The following C10orf71 variants were observed in gnomAD, a reference collection of about 807,000 sequenced individuals.
C10orf71 encodes the protein cardiac-enriched FHL2-interacting protein.
For synonymous variants in C10orf71, 758 were observed against 726.3 expected (o/e 1.04, Z -0.70); for missense variants, 1,869 against 1,804.5 (o/e 1.04, Z -0.65).
chr10:49,324,450 C>A lies in C10orf71; in HGVS notation c.1905C>A (p.Asp635Glu), dbSNP rs748981787. Reference sequence around the variant, plus strand: ...CTGCCGGATCCAGCTGGTGTCCAGACTCCAGGGAACACCGCCCCAGGAAAC... The same window carrying A: ...CTGCCGGATCCAGCTGGTGTCCAGAATCCAGGGAACACCGCCCCAGGAAAC... ...MGPAGSSWCP[D>E]SREHRPRKHL... Residue 635 changes from aspartate to glutamate, a missense_variant, in exon 3 of 3, where the codon GAC becomes GAA. Coordinates refer to ENST00000374144, the MANE Select transcript of C10orf71 (RefSeq NM_001135196.2). 1.2e-6 allele frequency: 2 copies of A among 1,607,902 alleles called. No homozygotes were observed. The highest frequency in any genetic ancestry group is 2.2e-5 in the South Asian group (2 of 90,174).
chr10:49,323,582 C>CCTG lies in C10orf71; in HGVS notation c.1037_1038insCTG (p.Ser346_Ile347insCys). On this transcript the variant is annotated inframe_insertion, in exon 3 of 3. Coordinates refer to ENST00000374144, the MANE Select transcript of C10orf71 (RefSeq NM_001135196.2). ...CTTGCAGCAGGGGCTCTGTCCACAT[C>CCTG]TATACCCTGGGGGTGCAGGGATCCA... 1 of 1,604,796 alleles carries CCTG rather than the reference C, an allele frequency of 6.2e-7. No individual in the cohort carries two copies. The highest frequency in any genetic ancestry group is 1.7e-5 in the Admixed American group (1 of 58,622).
chr10:49,314,526 G>T (rs1414038303), intron 1 of C10orf71, among the ~76,000 whole-genome samples: 3 of 152,208 alleles, frequency 2.0e-5, no homozygotes. Flanking sequence ...GAAAATTCAT[G>T]CCAGCAGCAA....
Position 49,323,716 on chromosome 10 carries a change from A to G in C10orf71, c.1171A>G (p.Lys391Glu). The stretch of plus-strand genomic sequence containing the variant: ...GAAGCCAAAGACTGGCAAAAAAGGG[A>G]AAGAAAGTCTACAAGATACTTTAGA... ...WRKPKTGKKG[K>E]ESLQDTLEEK... The change falls in exon 3 of 3, where the codon AAA becomes GAA. Residue 391 changes from lysine (K) to glutamate (E), a missense_variant. Transcript: ENST00000374144. 6.2e-7 allele frequency: 1 copy of G among 1,614,010 alleles called. No individual in the cohort carries two copies. Among genetic ancestry groups the G allele is most frequent in the Non-Finnish European group, 8.5e-7 (1 of 1,179,886 alleles).
intron 1 of C10orf71, among the ~76,000 whole-genome samples, chr10:49,312,680 G>A (rs1042834984): frequency 6.6e-6 from 1 of 152,124 alleles, no homozygotes; most frequent in East Asian, 1.9e-4. Flanking sequence ...TGACAGAAAC[G>A]CAATCCAGAC....
rs895506574 is a variant in C10orf71 at position 49,324,271 on chromosome 10, C to A, written c.1726C>A (p.Pro576Thr). 1 of 1,613,942 alleles carries A rather than the reference C, an allele frequency of 6.2e-7. No homozygotes were observed. The highest frequency in any genetic ancestry group is 2.2e-5 in the East Asian group (1 of 44,882). Residue 576 changes from proline to threonine, a missense_variant, in exon 3 of 3, where the codon CCT becomes ACT. Transcript: ENST00000374144. ...ATCACACATCAATCCCCAGAAGGACCCTACAGCTGACCCCAGTGAGCCCTC... is the reference window on the plus strand; with the variant it reads ...ATCACACATCAATCCCCAGAAGGACACTACAGCTGACCCCAGTGAGCCCTC... ...TASHINPQKD[P>T]TADPSEPSAD...
At chr10:49,320,589 A>G (rs190544499) in intron 2 of C10orf71, among the ~76,000 whole-genome samples, 1 of 152,372 alleles carries the variant, frequency 6.6e-6, no homozygotes, top group East Asian at 1.9e-4. Flanking sequence ...TAAACCATGC[A>G]CAGTGAGAGA....
At chr10:49,319,272 G>A (rs1162696411) in intron 2 of C10orf71, among the ~76,000 whole-genome samples, 5 of 151,968 alleles carry the variant, frequency 3.3e-5, no homozygotes, top group Non-Finnish European at 5.9e-5. Flanking sequence ...GAAGGAAGCA[G>A]CATCCTCAGA....
intron 1 of C10orf71, among the ~76,000 whole-genome samples, chr10:49,310,302 C>A (rs1338152170): frequency 6.6e-6 from 1 of 152,174 alleles, no homozygotes; most frequent in Non-Finnish European, 1.5e-5. Context: ...TGAAATGAAA[C>A]CCTCGTTTTC....
At chr10:49,298,710 T>A (rs981674624), upstream of C10orf71, 1 of 152,154 alleles carries the variant, frequency 6.6e-6, no homozygotes, top group African/African-American at 2.4e-5. Flanking sequence ...CCCCGATTAT[T>A]TCATATCCTT....
chr10:49,310,909 T>C, intron 1 of C10orf71, among the ~76,000 whole-genome samples: 1 of 152,120 alleles, frequency 6.6e-6, no homozygotes, highest in East Asian at 1.9e-4. Context: ...TCCCACATAT[T>C]GCGTGGGATA....
At chr10:49,301,988 A>C (rs1401564496) in intron 1 of C10orf71, among the ~76,000 whole-genome samples, 1 of 152,048 alleles carries the variant, frequency 6.6e-6, no homozygotes, top group Non-Finnish European at 1.5e-5. Flanking sequence ...TTCTTTCACT[A>C]CTAACCCCCT....
chr10:49,306,110 G>A (rs1484512799), intron 1 of C10orf71, among the ~76,000 whole-genome samples: 1 of 152,216 alleles, frequency 6.6e-6, no homozygotes, highest in Non-Finnish European at 1.5e-5. Flanking sequence ...GCTCCCTGTC[G>A]ACCTGGCAGG....
rs186073400 is a variant in C10orf71 at position 49,324,802 on chromosome 10, C to T, written c.2257C>T (p.Arg753Trp). 3.3e-5 allele frequency: 51 copies of T among 1,552,074 alleles called. No homozygotes were observed. Among genetic ancestry groups the T allele is most frequent in the East Asian group, 1.5e-4 (6 of 40,926 alleles). The change falls in exon 3 of 3, where the codon CGG becomes TGG. Residue 753 changes from arginine (R) to tryptophan (W), a missense_variant. Coordinates refer to ENST00000374144, the MANE Select transcript of C10orf71 (RefSeq NM_001135196.2). ...GAAGATGTGGTTTACTGAGAACCAG[C>T]GGGAAGACAGGAGGAAGGATGTGAG... is the stretch of plus-strand genomic sequence containing the variant. ...QQKMWFTENQ[R>W]EDRRKDVSAG...
intron 1 of C10orf71, among the ~76,000 whole-genome samples, chr10:49,311,461 T>C (rs4240504): frequency 0.99 from 150,842 of 152,330 alleles, 74,701 homozygotes; most frequent in Middle Eastern, 1. Context: ...CCTCTGTCAT[T>C]ACATCCCAGG....
chr10:49,325,314 G>A lies in C10orf71; in HGVS notation c.2769G>A (p.Arg923=), dbSNP rs1014553728. The change falls in exon 3 of 3, where the codon CGG becomes CGA. Residue 923 remains arginine, a synonymous_variant. Coordinates refer to ENST00000374144, the MANE Select transcript of C10orf71 (RefSeq NM_001135196.2). Reference sequence around the variant, plus strand: ...GTACATCGACACCCACTAACACACGGGGCACACGTGTGAAGTGCATGGCCA... The same window carrying A: ...GTACATCGACACCCACTAACACACGAGGCACACGTGTGAAGTGCATGGCCA... ...ILGTSTPTNT[R]GTRVKCMANE... The A allele has an allele frequency of 1.3e-6, 2 of 1,551,712 alleles. No individual in the cohort carries two copies. The highest frequency in any genetic ancestry group is 8.7e-7 in the Non-Finnish European group (1 of 1,147,008).
intron 2 of C10orf71, among the ~76,000 whole-genome samples, chr10:49,321,131 A>T (rs1458026542): frequency 1.3e-5 from 2 of 152,058 alleles, no homozygotes; most frequent in Non-Finnish European, 2.9e-5. Context: ...CAGTATTGTT[A>T]ACTACAGACA....
intron 1 of C10orf71, among the ~76,000 whole-genome samples, chr10:49,314,533 G>A (rs1848967701): frequency 6.6e-6 from 1 of 152,244 alleles, no homozygotes; most frequent in East Asian, 1.9e-4. Flanking sequence ...CATGCCAGCA[G>A]CAATGTCAGT....
chr10:49,313,087 C>T (rs1025210415), intron 1 of C10orf71, among the ~76,000 whole-genome samples: 1 of 152,306 alleles, frequency 6.6e-6, no homozygotes, highest in South Asian at 2.1e-4. Context: ...GAGGGACAAA[C>T]ATTTAACAAC....
In C10orf71 at chr10:49,323,597, G is replaced by A; in HGVS notation, c.1052G>A (p.Cys351Tyr). The A allele has an allele frequency of 6.2e-7, 1 of 1,601,460 alleles. No homozygotes were observed. Among genetic ancestry groups the A allele is most frequent in the Non-Finnish European group, 8.5e-7 (1 of 1,175,206 alleles). Reference sequence around the variant, plus strand: ...CTGTCCACATCTATACCCTGGGGGTGCAGGGATCCAGGAGCCCAGGTATTT... The same window carrying A: ...CTGTCCACATCTATACCCTGGGGGTACAGGGATCCAGGAGCCCAGGTATTT... ...GALSTSIPWG[C>Y]RDPGAQVFAV... Residue 351 changes from cysteine (C) to tyrosine (Y), a missense_variant, in exon 3 of 3, where the codon TGC (cysteine) becomes TAC (tyrosine). By Grantham distance (194) the Cys-to-Tyr change is radical. Coordinates refer to ENST00000374144, the MANE Select transcript of C10orf71 (RefSeq NM_001135196.2).
Sources: gnomAD v4.1 joint callset for allele counts (sites outside exome capture counted in the v4.1 genomes callset) on GRCh38, gnomAD v4.1.1 for gene constraint, MANE v1.5 for transcripts, NCBI Gene and HGNC (gene_info 2026-07-23, HGNC 2026-07-21) for gene names.